The following NSD2 variants were observed in gnomAD, a reference collection of about 807,000 sequenced individuals.
NSD2 encodes the protein nuclear receptor binding SET domain protein 2, also known as histone-lysine N-methyltransferase NSD2.
NSD2 carries 12 observed loss-of-function variants against 139.0 expected under a neutral mutation model. The ratio of observed to expected loss-of-function variants is 0.09; its 90% CI spans 0.06 to 0.14. The LOEUF (loss-of-function observed/expected upper bound fraction) is 0.14, where lower values mean the gene tolerates loss of function less well. NSD2 is among the 10% of genes least tolerant of loss of function. NSD2 has a pLI of 1.00. For missense variants in NSD2, 1,155 were observed against 1,745.0 expected, an observed-to-expected ratio of 0.66 and a Z score of 6.02; for synonymous variants, 669 against 648.7, an observed-to-expected ratio of 1.03 and a Z score of -0.48.
intron 9 of NSD2, 134 bp from the exon 10 acceptor site, chr4:1,950,938 C>G (rs2108939384): frequency 8.5e-7 from 1 of 1,183,150 alleles, no homozygotes; most frequent in Non-Finnish European, 1.2e-6. Context: ...ACTGTGAAAT[C>G]ACTGGCGGTA....
chr4:1,921,389 G>A (rs1720097529), intron 5 of NSD2, among the ~76,000 whole-genome samples: 1 of 152,092 alleles, frequency 6.6e-6, no homozygotes, highest in African/African-American at 2.4e-5. Context: ...AACCCAAGAG[G>A]TGGAGGTTGC....
rs1408156052 is a variant in NSD2, at chr4:1,956,542, G to A, written c.2881+354G>A. Among the ~76,000 whole-genome samples the A allele has an allele frequency of 1.3e-5, 2 of 152,088 alleles. No individual in the cohort carries two copies. Among genetic ancestry groups the A allele is most frequent in the Admixed American group, 1.3e-4 (2 of 15,270 alleles). The stretch of plus-strand genomic sequence containing the variant: ...TCGACCTTGTGCAGCAGGCTCTTGG[G>A]GGCTCGCTTTACCTTTCAGTGCATG... On this transcript the variant is annotated intron_variant, in intron 15 of 21. Transcript: ENST00000508803. The surrounding 1 kb of genome is among the most constrained non-coding windows in gnomAD (Gnocchi z 5.3).
At position 1,901,262 on chromosome 4, in the gene NSD2, G is replaced by A. The variant is rs1182177060; in HGVS notation, c.597+11G>A. 1.3e-6 allele frequency: 2 copies of A among 1,548,816 alleles called. No individual in the cohort carries two copies. The highest frequency in any genetic ancestry group is 1.7e-6 in the Non-Finnish European group (2 of 1,153,424). On this transcript the variant is annotated intron_variant, in intron 2 of 21. Coordinates refer to ENST00000508803, the MANE Select transcript of NSD2 (RefSeq NM_001042424.3). ...CCTTCAGATAAAAAGGTATTTAGGA[G>A]ACGTTGTGTAAGGGGTCATGTGACC... is the stretch of plus-strand genomic sequence containing the variant.
chr4:1,952,600 T>TGGTTGGTC (rs1724389957), intron 11 of NSD2, among the ~76,000 whole-genome samples: 1 of 152,232 alleles, frequency 6.6e-6, no homozygotes, highest in African/African-American at 2.4e-5. Flanking sequence ...ACAGGTAACC[T>TGGTTGGTC]GGTTGGTCAC....
chr4:1,977,803 A>T lies in NSD2; in HGVS notation c.3827-835A>T, dbSNP rs567708912. Among the ~76,000 whole-genome samples the T allele has an allele frequency of 3.3e-5, 5 of 150,528 alleles. No individual in the cohort carries two copies. In the East Asian group the frequency reaches 9.7e-4, roughly 29 times the overall value. On this transcript the variant is annotated intron_variant, in intron 21 of 21. Transcript: ENST00000508803. ...CAAGACTCCACTCAAAAAAAAAAAA[A>T]ACCAAACAAACAAAAAACAAAACTA...
In NSD2 at chr4:1,939,669, C is replaced by T; in HGVS notation, c.1772C>T (p.Ser591Phe). The change falls in exon 9 of 22, where the codon TCT (serine) becomes TTT (phenylalanine). Residue 591 changes from serine to phenylalanine, a missense_variant. By Grantham distance (155) the Ser-to-Phe change is radical. Coordinates refer to ENST00000508803, the MANE Select transcript of NSD2 (RefSeq NM_001042424.3). ...LKSQAATKNL[S>F]DACKPLKKRN... ...TATTTTACAGCAACGAAAAATCTGT[C>T]TGATGCATGTAAACCACTGAAGAAG... is the stretch of plus-strand genomic sequence containing the variant. 1.2e-6 allele frequency: 2 copies of T among 1,614,194 alleles called. No homozygotes were observed. The highest frequency in any genetic ancestry group is 1.7e-6 in the Non-Finnish European group (2 of 1,180,030).
chr4:1,965,090 A>G (rs917215941), intron 18 of NSD2, among the ~76,000 whole-genome samples: 3 of 149,456 alleles, frequency 2.0e-5, no homozygotes, highest in Non-Finnish European at 4.5e-5. Context: ...ACAAAGAGAC[A>G]GGAAAATATG....
chr4:1,981,944 C>A lies in NSD2; in HGVS notation c.*3035C>A. The A allele has an allele frequency of 2.5e-6, 1 of 398,576 alleles. No homozygotes were observed. Among genetic ancestry groups the A allele is most frequent in the Middle Eastern group, 6.3e-4 (1 of 1,588 alleles). The allele number at this position is 398,576 out of a possible 1,614,324, so 24.7% of individuals were successfully genotyped here. ...GAAATGCCCCGTCAGAAATTAAATACAAACTTAAATGTGCCTATTGGTGTC... is the reference window on the plus strand; with the variant it reads ...GAAATGCCCCGTCAGAAATTAAATAAAAACTTAAATGTGCCTATTGGTGTC... On this transcript the variant is annotated 3_prime_UTR_variant, in exon 22 of 22. Coordinates refer to ENST00000508803, the MANE Select transcript of NSD2 (RefSeq NM_001042424.3).
intron 3 of NSD2, among the ~76,000 whole-genome samples, chr4:1,905,603 G>C (rs1433240416): frequency 6.6e-6 from 1 of 152,260 alleles, no homozygotes; most frequent in Non-Finnish European, 1.5e-5. Flanking sequence ...TGGCTGCTAG[G>C]AATGGGGTAC....
intron 3 of NSD2, among the ~76,000 whole-genome samples, chr4:1,908,111 G>A (rs1718182022): frequency 6.6e-6 from 1 of 152,156 alleles, no homozygotes; most frequent in Admixed American, 6.5e-5. Flanking sequence ...TGTACTTCAG[G>A]GTTGAGATGC....
At chr4:1,951,910 A>T in intron 10 of NSD2, 198 bp from the exon 11 acceptor site, 1 of 790,538 alleles carries the variant, frequency 1.3e-6, no homozygotes, top group Non-Finnish European at 1.9e-6. Flanking sequence ...TTTCTGTAAC[A>T]GTCATCTGGT....
rs950905996 is a variant in NSD2, at chr4:1,875,152, G to A, written c.-30+3610G>A. Reference sequence around the variant, plus strand: ...AATTTTAAAATTTTTTATGGAGTCAGTCTTGCAGTGTTTGGGCTGGTCTCT... The same window carrying A: ...AATTTTAAAATTTTTTATGGAGTCAATCTTGCAGTGTTTGGGCTGGTCTCT... On this transcript the variant is annotated intron_variant, in intron 1 of 21. Transcript: ENST00000508803. Among the ~76,000 whole-genome samples, 8 of 151,850 alleles carry A rather than the reference G, an allele frequency of 5.3e-5. No individual in the cohort carries two copies. The East Asian group carries it at 1.4e-3, about 26-fold the overall frequency.
intron 9 of NSD2, chr4:1,940,229 A>G (rs1722950034): frequency 1.9e-6 from 2 of 1,076,584 alleles, no homozygotes; most frequent in Admixed American, 4.7e-5. Context: ...ACCTAGGCTC[A>G]TGGAGGAAGC....
intron 7 of NSD2, among the ~76,000 whole-genome samples, chr4:1,935,598 G>A (rs1445015834): frequency 6.6e-6 from 1 of 152,114 alleles, no homozygotes; most frequent in African/African-American, 2.4e-5. Flanking sequence ...GGTGGCTTAC[G>A]TCTCTAATCC....
At position 1,961,143 on chromosome 4, in the gene NSD2, A is replaced by G. The variant is rs751318500; in HGVS notation, c.3364A>G (p.Ile1122Val). ...CATCACCCACTTCTACATGCTCACT[A>G]TAGACAAGGTAATGCGGAACTCCAC... ...NDITHFYMLT[I>V]DKDRIIDAGP... The change falls in exon 18 of 22, where the codon ATA becomes GTA. Residue 1122 changes from isoleucine to valine, a missense_variant. Around this residue, in one of 8 missense-constraint regions of NSD2, gnomAD observed 139 missense variants for 485.8 expected, o/e 0.29. Coordinates refer to ENST00000508803, the MANE Select transcript of NSD2 (RefSeq NM_001042424.3). The G allele has an allele frequency of 3.1e-6, 5 of 1,610,106 alleles. No homozygotes were observed. The Admixed American group carries it at 8.3e-5, about 27-fold the overall frequency.
At chr4:1,957,169 T>G (rs1240047438) in intron 15 of NSD2, among the ~76,000 whole-genome samples, 1 of 152,188 alleles carries the variant, frequency 6.6e-6, no homozygotes, top group Non-Finnish European at 1.5e-5. Context: ...GGGGCTGGCC[T>G]CCTTCTTGGG....
In NSD2 at chr4:1,981,859, A is replaced by G; in HGVS notation, c.*2950A>G. On this transcript the variant is annotated 3_prime_UTR_variant, in exon 22 of 22. Coordinates refer to ENST00000508803, the MANE Select transcript of NSD2 (RefSeq NM_001042424.3). ...TGTAGTTGATGACTGTTTGTTAGTC[A>G]GTAGAGTAAAATGCTGTGTCCACGG... The G allele has an allele frequency of 2.5e-6, 1 of 398,644 alleles. No individual in the cohort carries two copies. The highest frequency in any genetic ancestry group is 4.4e-6 in the Non-Finnish European group (1 of 226,060). The allele number at this position is 398,644 out of a possible 1,614,324, so 24.7% of individuals were successfully genotyped here. A position where few individuals can be genotyped will look rare whatever the true frequency, so the allele number is the denominator to read the frequency against.
In NSD2 at chr4:1,911,045, G is replaced by T. The variant is rs1577415166; in HGVS notation, c.761-5826G>T. Among the ~76,000 whole-genome samples the T allele has an allele frequency of 2.0e-5, 3 of 152,116 alleles. No homozygotes were observed. The South Asian group carries it at 6.2e-4, about 32-fold the overall frequency. ...TCTGAGGCAGCCTTGTCTCTTGGTG[G>T]GGTTCATTTTGCATGCATGGAACTT... On this transcript the variant is annotated intron_variant, in intron 3 of 21. Coordinates refer to ENST00000508803, the MANE Select transcript of NSD2 (RefSeq NM_001042424.3).
rs1485419738 is a variant in NSD2, at chr4:1,952,318, T to G, written c.2137+87T>G. Reference sequence around the variant, plus strand: ...GCACCAAGTCCTGCCCTGAGCTGCCTGCAGAGGACAAGCCCCCTCCCCACC... The same window carrying G: ...GCACCAAGTCCTGCCCTGAGCTGCCGGCAGAGGACAAGCCCCCTCCCCACC... On this transcript the variant is annotated intron_variant, in intron 11 of 21. Coordinates refer to ENST00000508803, the MANE Select transcript of NSD2 (RefSeq NM_001042424.3). 3 of 1,570,306 alleles carry G rather than the reference T, an allele frequency of 1.9e-6. No homozygotes were observed. In the African/African-American group the frequency reaches 4.0e-5, roughly 21 times the overall value.
Sources: gnomAD v4.1 joint callset for allele counts (sites outside exome capture counted in the v4.1 genomes callset) on GRCh38, gnomAD v4.1.1 for gene constraint, gnomAD v4.1.1 regional missense constraint, Gnocchi (gnomAD v3.1) non-coding constraint, MANE v1.5 for transcripts, NCBI Gene and HGNC (gene_info 2026-07-23, HGNC 2026-07-21) for gene names.